DOCK4: variants seen among roughly 807,000 people sequenced by gnomAD.
DOCK4 encodes the protein dedicator of cytokinesis protein 4.
In DOCK4, 97 loss-of-function variants were observed where a neutral mutation model predicts 268.1. The observed-to-expected ratio is 0.36, with a 90% CI of 0.31 to 0.43. The LOEUF (loss-of-function observed/expected upper bound fraction) is 0.43, where lower values mean the gene tolerates loss of function less well. Ranked by LOEUF, DOCK4 falls within the 20% of genes least tolerant of loss-of-function variation. DOCK4 has a pLI of 1.00. For missense variants in DOCK4, 2,145 were observed against 2,455.7 expected (o/e 0.87, Z 2.67); for synonymous variants, 954 against 887.2 (o/e 1.08, Z -1.34).
chr7:112,150,980 T>C (rs1158442446), intron 1 of DOCK4, among the ~76,000 whole-genome samples: 1 of 152,198 alleles, frequency 6.6e-6, no homozygotes, highest in East Asian at 1.9e-4. Flanking sequence ...GGATGAGTTT[T>C]CTGGTTATTA....
rs141242548 is a variant in DOCK4, at chr7:111,741,988, G to C, written c.4797+25C>G. 5 of 1,538,024 alleles carry C rather than the reference G, an allele frequency of 3.3e-6. No individual in the cohort carries two copies. The South Asian group carries it at 6.4e-5, about 20-fold the overall frequency. ...CAAACGGCAGTGATCAGGCTGCCCC[G>C]CCATGGACACCTAAGTATACATACC... On this transcript the variant is annotated intron_variant, in intron 45 of 52. Transcript: ENST00000428084.
chr7:111,978,224 C>G (rs140074747), intron 7 of DOCK4, among the ~76,000 whole-genome samples: 1 of 152,232 alleles, frequency 6.6e-6, no homozygotes, highest in East Asian at 1.9e-4. Flanking sequence ...GAAGCAAAGA[C>G]CCAGATTACT....
intron 23 of DOCK4, among the ~76,000 whole-genome samples, chr7:111,855,142 A>C (rs1355457282): frequency 6.6e-6 from 1 of 152,208 alleles, no homozygotes; most frequent in Non-Finnish European, 1.5e-5. Flanking sequence ...ATGGAAGATC[A>C]ATTCTGGAGA....
At chr7:111,991,106 A>T (rs1799487366) in intron 5 of DOCK4, among the ~76,000 whole-genome samples, 1 of 152,224 alleles carries the variant, frequency 6.6e-6, no homozygotes, top group African/African-American at 2.4e-5. Context: ...CTCTTGGGAA[A>T]GGCGTTCTGT....
rs563539856 is a variant in DOCK4, at chr7:112,040,347, T to C, written c.38-36216A>G. Among the ~76,000 whole-genome samples the C allele has an allele frequency of 2.4e-4, 37 of 152,294 alleles. 2 individuals carry two copies. In the South Asian group the frequency reaches 7.3e-3, roughly 30 times the overall value. ...AAAATGTACAATAATAATGGCTTAATTAAATAAATCATTCTGCCCCAAACA... is the reference window on the plus strand; with the variant it reads ...AAAATGTACAATAATAATGGCTTAACTAAATAAATCATTCTGCCCCAAACA... On this transcript the variant is annotated intron_variant, in intron 1 of 52. Transcript: ENST00000428084.
chr7:112,192,626 G>C (rs889212906), intron 1 of DOCK4, among the ~76,000 whole-genome samples: 1 of 152,146 alleles, frequency 6.6e-6, no homozygotes, highest in Non-Finnish European at 1.5e-5. Flanking sequence ...CCCTTACTGT[G>C]TATTTAAAAA....
intron 1 of DOCK4, among the ~76,000 whole-genome samples, chr7:112,167,747 G>A (rs1325791282): frequency 2.0e-5 from 3 of 151,994 alleles, no homozygotes; most frequent in African/African-American, 4.8e-5. Context: ...CAATTAATCA[G>A]TACATGCCTT....
intron 23 of DOCK4, among the ~76,000 whole-genome samples, chr7:111,859,460 T>C (rs1379947318): frequency 1.3e-5 from 2 of 152,112 alleles, no homozygotes; most frequent in Non-Finnish European, 2.9e-5. Context: ...GATACAGTTA[T>C]CTCTGGGAAA....
chr7:111,954,247 C>T (rs779869461), intron 8 of DOCK4, among the ~76,000 whole-genome samples: 3 of 152,114 alleles, frequency 2.0e-5, no homozygotes, highest in East Asian at 1.9e-4. Flanking sequence ...AAGCTCAGGC[C>T]GCACTATAAA....
At chr7:111,856,529 T>TAAC (rs1805028989) in intron 23 of DOCK4, among the ~76,000 whole-genome samples, 2 of 152,180 alleles carry the variant, frequency 1.3e-5, no homozygotes, top group Admixed American at 6.5e-5. Context: ...GTTTAGCCTT[T>TAAC]AACAACAACA....
At chr7:111,778,956 G>A (rs147921927) in intron 35 of DOCK4, among the ~76,000 whole-genome samples, 11,952 of 152,020 alleles carry the variant, frequency 0.079, 1,033 homozygotes, top group African/African-American at 0.21. Flanking sequence ...TTGGGAGGCT[G>A]AGGCAGGAGA....
chr7:112,093,455 G>A (rs1809824371), intron 1 of DOCK4, among the ~76,000 whole-genome samples: 1 of 151,886 alleles, frequency 6.6e-6, no homozygotes, highest in African/African-American at 2.4e-5. Context: ...AAAGGGGGGG[G>A]GAAACAATTA....
At chr7:112,112,988 A>AT (rs1294569747) in intron 1 of DOCK4, among the ~76,000 whole-genome samples, 11 of 152,284 alleles carry the variant, frequency 7.2e-5, no homozygotes, top group Admixed American at 7.2e-4. Flanking sequence ...GAAACCACAG[A>AT]TTTTTTCCCG....
chr7:111,864,092 A>G (rs887068147), intron 22 of DOCK4, among the ~76,000 whole-genome samples: 1 of 152,180 alleles, frequency 6.6e-6, no homozygotes, highest in African/African-American at 2.4e-5. Context: ...GTGACTTTGG[A>G]AAGTTATTTG....
intron 13 of DOCK4, among the ~76,000 whole-genome samples, chr7:111,910,973 T>A (rs1272769850): frequency 6.6e-6 from 1 of 152,224 alleles, no homozygotes; most frequent in Non-Finnish European, 1.5e-5. Context: ...CGCCTACGTT[T>A]TTCCCATTTC....
At chr7:111,800,440 T>C (rs181943059) in intron 30 of DOCK4, among the ~76,000 whole-genome samples, 116 of 152,300 alleles carry the variant, frequency 7.6e-4, no homozygotes, top group Admixed American at 6.5e-3. Flanking sequence ...TCCTCTCTAA[T>C]GGCAAGTCAA....
intron 7 of DOCK4, among the ~76,000 whole-genome samples, chr7:111,983,862 G>GCGCACACACACACACACACACA: frequency 1.0e-4 from 14 of 138,558 alleles, no homozygotes; most frequent in African/African-American, 4.0e-4. Context: ...GCGCGCGCGC[G>GCGCACACACACACACACACACA]CACACACACA....
At chr7:111,879,880 A>G (rs767244311) in intron 16 of DOCK4, among the ~76,000 whole-genome samples, 17 of 152,246 alleles carry the variant, frequency 1.1e-4, no homozygotes, top group African/African-American at 9.6e-5. Flanking sequence ...ACACAGTCAG[A>G]GGAGACAAAA....
intron 1 of DOCK4, among the ~76,000 whole-genome samples, chr7:112,131,466 C>T (rs1813791014): frequency 6.6e-6 from 1 of 152,148 alleles, no homozygotes; most frequent in Admixed American, 6.5e-5. Context: ...TTTTCTCATA[C>T]AATAAACCAT....
Sources: gnomAD v4.1 joint callset for allele counts (sites outside exome capture counted in the v4.1 genomes callset) on GRCh38, gnomAD v4.1.1 for gene constraint, MANE v1.5 for transcripts, NCBI Gene and HGNC (gene_info 2026-07-23, HGNC 2026-07-21) for gene names.